Variants in ASTN1 observed in about 807,000 individuals in gnomAD.
The protein encoded by ASTN1 is astrotactin 1.
A neutral mutation model predicts 140.7 loss-of-function variants in ASTN1; 41 were observed. The observed-to-expected ratio is 0.29, with a 90% CI of 0.23 to 0.38. The LOEUF (loss-of-function observed/expected upper bound fraction) is 0.38. ASTN1 is among the 10% of genes least tolerant of loss of function. The probability of loss-of-function intolerance (pLI) is 1.00; values close to 1 mark genes in which losing one functional copy is unlikely to be tolerated. For missense variants in ASTN1, 1,479 were observed against 1,678.8 expected, an observed-to-expected ratio of 0.88 and a Z score of 2.08; for synonymous variants, 640 against 652.2, an observed-to-expected ratio of 0.98 and a Z score of 0.29.
chr1:177,145,980 A>G (rs1682704480), intron 1 of ASTN1, among the ~76,000 whole-genome samples: 1 of 152,210 alleles, frequency 6.6e-6, no homozygotes, highest in Non-Finnish European at 1.5e-5. Context: ...TGTGGGGTAT[A>G]TCTACCAATG....
At chr1:176,920,816 T>C (rs955826379) in intron 16 of ASTN1, among the ~76,000 whole-genome samples, 1 of 152,218 alleles carries the variant, frequency 6.6e-6, no homozygotes, top group Non-Finnish European at 1.5e-5. Context: ...GTGCCTGATC[T>C]ATATATAATA....
chr1:177,057,668 T>C (rs1677877628), intron 2 of ASTN1, among the ~76,000 whole-genome samples: 2 of 152,222 alleles, frequency 1.3e-5, no homozygotes, highest in South Asian at 4.1e-4. Context: ...TTTTTCCAAT[T>C]ATGCTATTTT....
chr1:176,929,579 C>G (rs534183298), intron 16 of ASTN1, among the ~76,000 whole-genome samples: 2 of 152,258 alleles, frequency 1.3e-5, no homozygotes, highest in South Asian at 4.2e-4. Flanking sequence ...TTTTAAGCCA[C>G]CAAGTGTGTG....
chr1:177,134,191 T>C (rs1682068429), intron 1 of ASTN1, among the ~76,000 whole-genome samples: 2 of 152,208 alleles, frequency 1.3e-5, no homozygotes, highest in African/African-American at 4.8e-5. Context: ...GGATTGCAAA[T>C]ACAGGAATGT....
chr1:176,885,109 G>A (rs1265281284), intron 18 of ASTN1, among the ~76,000 whole-genome samples: 1 of 152,226 alleles, frequency 6.6e-6, no homozygotes, highest in Non-Finnish European at 1.5e-5. Context: ...CTGGACAAGA[G>A]AAAGTTGGCC....
chr1:176,942,156 CA>C (rs1671743579), intron 14 of ASTN1, among the ~76,000 whole-genome samples: 2 of 151,864 alleles, frequency 1.3e-5, no homozygotes, highest in South Asian at 4.1e-4. Context: ...TTTATTTATT[CA>C]ACACACATAG....
chr1:177,158,159 A>G (rs1394732574), intron 1 of ASTN1, among the ~76,000 whole-genome samples: 1 of 152,246 alleles, frequency 6.6e-6, no homozygotes, highest in Non-Finnish European at 1.5e-5. Context: ...TCGTTTCACA[A>G]AAGTTGTCAT....
chr1:176,967,781 A>G (rs1557998148), intron 8 of ASTN1, among the ~76,000 whole-genome samples: 1 of 152,226 alleles, frequency 6.6e-6, no homozygotes, highest in Non-Finnish European at 1.5e-5. Flanking sequence ...TAGGTCAAGG[A>G]GACCTCCTGC....
At chr1:177,044,622 G>A (rs1677134358) in intron 2 of ASTN1, among the ~76,000 whole-genome samples, 2 of 152,346 alleles carry the variant, frequency 1.3e-5, no homozygotes, top group South Asian at 4.1e-4. Context: ...TTGTTTGTCA[G>A]GTTTTGATTT....
At chr1:176,858,840 G>T (rs999542511), downstream of ASTN1, among the ~76,000 whole-genome samples, 1 of 152,286 alleles carries the variant, frequency 6.6e-6, no homozygotes, top group Middle Eastern at 3.4e-3. Context: ...CCTTGTTAGA[G>T]AAGCAAACTC....
At chr1:177,067,679 T>C (rs7555091) in intron 1 of ASTN1, among the ~76,000 whole-genome samples, 20,185 of 152,124 alleles carry the variant, frequency 0.13, 1,735 homozygotes, top group African/African-American at 0.24. Context: ...AATCTTCACC[T>C]TAGTATCAAG....
At chr1:177,090,951 G>C (rs1034186538) in intron 1 of ASTN1, among the ~76,000 whole-genome samples, 1 of 151,794 alleles carries the variant, frequency 6.6e-6, no homozygotes, top group Non-Finnish European at 1.5e-5. Flanking sequence ...GGGCTGGGGG[G>C]CTAAACACAA....
intron 1 of ASTN1, among the ~76,000 whole-genome samples, chr1:177,118,350 T>A (rs1219286482): frequency 6.6e-6 from 1 of 152,180 alleles, no homozygotes; most frequent in East Asian, 1.9e-4. Flanking sequence ...TATCACGAAT[T>A]AACATGCACA....
rs147835924 is a variant in ASTN1 at position 177,114,731 on chromosome 1, A to G, written c.283+49663T>C. Among the ~76,000 whole-genome samples, 8 of 152,248 alleles carry G rather than the reference A, an allele frequency of 5.3e-5. No individual in the cohort carries two copies. In the East Asian group the frequency reaches 1.5e-3, roughly 29 times the overall value. Reference sequence around the variant, plus strand: ...TGTGTAGGCTTGTGTATACACCATCACAGTTAAGATACACAACAGTTCCAT... The same window carrying G: ...TGTGTAGGCTTGTGTATACACCATCGCAGTTAAGATACACAACAGTTCCAT... On this transcript the variant is annotated intron_variant, in intron 1 of 22. Transcript: ENST00000361833.
Position 176,958,412 on chromosome 1 carries a change from G to A in ASTN1, c.1669C>T (p.Leu557=). The change falls in exon 10 of 23, where the codon CTG becomes TTG. Residue 557 remains leucine, a synonymous_variant. Coordinates refer to ENST00000361833, the MANE Select transcript of ASTN1 (RefSeq NM_004319.3). ...SKSFVIPPAE[L]AINPSAKCKT... ...CACTTTGCTGATGGATTGATGGCCAGTTCGGCTGGTGGAATCACAAAGCTC... is the reference window on the plus strand; with the variant it reads ...CACTTTGCTGATGGATTGATGGCCAATTCGGCTGGTGGAATCACAAAGCTC... The A allele has an allele frequency of 1.2e-6, 2 of 1,614,128 alleles. No homozygotes were observed. The highest frequency in any genetic ancestry group is 1.7e-6 in the Non-Finnish European group (2 of 1,180,000).
chr1:177,135,804 T>G (rs1280108522), intron 1 of ASTN1, among the ~76,000 whole-genome samples: 2 of 152,314 alleles, frequency 1.3e-5, no homozygotes, highest in East Asian at 1.9e-4. Context: ...AGTGTTCTCA[T>G]GACCCAGTAG....
intron 7 of ASTN1, among the ~76,000 whole-genome samples, chr1:177,019,911 G>T (rs1409767671): frequency 1.3e-5 from 2 of 152,074 alleles, no homozygotes; most frequent in African/African-American, 2.4e-5. Flanking sequence ...TTGAGACAGG[G>T]TCTCATTCTG....
At chr1:177,053,520 A>G (rs2102018054) in intron 2 of ASTN1, among the ~76,000 whole-genome samples, 1 of 152,374 alleles carries the variant, frequency 6.6e-6, no homozygotes, top group East Asian at 1.9e-4. Context: ...GCTCCCTGAA[A>G]GCAGAACTTT....
intron 9 of ASTN1, among the ~76,000 whole-genome samples, chr1:176,964,736 G>A (rs1672803737): frequency 6.6e-6 from 1 of 152,130 alleles, no homozygotes; most frequent in Admixed American, 6.6e-5. Context: ...ACTCTATGAG[G>A]AAGGTGCAAA....
Sources: allele counts gnomAD v4.1 joint callset (sites outside exome capture counted in the v4.1 genomes callset), GRCh38; gene constraint gnomAD v4.1.1; transcripts MANE v1.5; gene names NCBI Gene and HGNC (gene_info 2026-07-23, HGNC 2026-07-21).